The following PLXNC1 variants were observed in gnomAD, a reference collection of about 807,000 sequenced individuals.
The protein encoded by PLXNC1 is plexin C1, also known as plexin-C1.
A neutral mutation model predicts 178.2 loss-of-function variants in PLXNC1; 75 were observed. The observed-to-expected ratio is 0.42, with a 90% CI of 0.35 to 0.51. The LOEUF (loss-of-function observed/expected upper bound fraction) is 0.51. Among genes scored for constraint, PLXNC1 ranks in the 20% least tolerant of loss-of-function variants. The probability of loss-of-function intolerance (pLI) is 0.02; values close to 1 mark genes in which losing one functional copy is unlikely to be tolerated. For synonymous variants in PLXNC1, 790 were observed against 779.9 expected (o/e 1.01, Z -0.22); for missense variants, 1,503 against 1,984.4 (o/e 0.76, Z 4.61).
At chr12:94,153,138 G>A (rs1961020814) in intron 1 of PLXNC1, among the ~76,000 whole-genome samples, 1 of 152,232 alleles carries the variant, frequency 6.6e-6, no homozygotes, top group Admixed American at 6.5e-5. Context: ...TCATTTTCCA[G>A]ATGAGGAGGC....
chr12:94,290,052 G>GT (rs1477182434), intron 23 of PLXNC1, among the ~76,000 whole-genome samples: 2 of 152,206 alleles, frequency 1.3e-5, no homozygotes, highest in Admixed American at 1.3e-4. Flanking sequence ...CCCATCCGAG[G>GT]TATTTGTGAT....
At chr12:94,157,268 G>A (rs1171692431) in intron 1 of PLXNC1, among the ~76,000 whole-genome samples, 1 of 152,184 alleles carries the variant, frequency 6.6e-6, no homozygotes, top group African/African-American at 2.4e-5. Context: ...GATGGCGGAA[G>A]AGCCACACCA....
At chr12:94,165,522 G>C (rs1230514050) in intron 1 of PLXNC1, among the ~76,000 whole-genome samples, 1 of 152,172 alleles carries the variant, frequency 6.6e-6, no homozygotes, top group Admixed American at 6.5e-5. Context: ...CCTCCAGGCT[G>C]GTGAGAGGAA....
At chr12:94,301,585 G>C (rs1968471868) in intron 28 of PLXNC1, among the ~76,000 whole-genome samples, 1 of 152,150 alleles carries the variant, frequency 6.6e-6, no homozygotes, top group African/African-American at 2.4e-5. Flanking sequence ...AAAAATCAGA[G>C]CAAACTTCGA....
intron 2 of PLXNC1, among the ~76,000 whole-genome samples, chr12:94,176,582 T>G (rs955276186): frequency 6.6e-6 from 1 of 152,232 alleles, no homozygotes; most frequent in Non-Finnish European, 1.5e-5. Flanking sequence ...CAAGGATTTT[T>G]AAATTTAAAT....
chr12:94,169,928 G>A (rs1427462422), intron 2 of PLXNC1, among the ~76,000 whole-genome samples: 2 of 152,188 alleles, frequency 1.3e-5, no homozygotes, highest in African/African-American at 4.8e-5. Context: ...AGGGGAAGAG[G>A]GGAGGAGGAG....
rs137989424 is a variant in PLXNC1 at position 94,185,056 on chromosome 12, A to T, written c.1339-1317A>T. On this transcript the variant is annotated intron_variant, in intron 3 of 30. Coordinates refer to ENST00000258526, the MANE Select transcript of PLXNC1 (RefSeq NM_005761.3). ...TTCATAATAACCCCATGAAGTCGTG[A>T]TCCATTTTACAGATGAGGAAACAAG... Among the ~76,000 whole-genome samples, 25 of 152,348 alleles carry T rather than the reference A, an allele frequency of 1.6e-4. No homozygotes were observed. In the East Asian group the frequency reaches 4.0e-3, roughly 25 times the overall value.
chr12:94,241,881 A>T (rs1280484968), intron 11 of PLXNC1, among the ~76,000 whole-genome samples: 1 of 152,086 alleles, frequency 6.6e-6, no homozygotes, highest in Non-Finnish European at 1.5e-5. Context: ...AAATCTCTTT[A>T]GGACTAAAAT....
At chr12:94,161,371 G>GTGGGTGGATGAGTGGA (rs1226596114) in intron 1 of PLXNC1, among the ~76,000 whole-genome samples, 1 of 152,146 alleles carries the variant, frequency 6.6e-6, no homozygotes, top group Non-Finnish European at 1.5e-5. Context: ...GAGTGGATGG[G>GTGGGTGGATGAGTGGA]TGGGTAGAGA....
At chr12:94,245,250 C>A (rs1411518224) in intron 12 of PLXNC1, among the ~76,000 whole-genome samples, 1 of 152,240 alleles carries the variant, frequency 6.6e-6, no homozygotes, top group African/African-American at 2.4e-5. Context: ...TGCTCTCCCT[C>A]CTACTTGCTG....
chr12:94,282,456 T>C, intron 23 of PLXNC1, 55 bp downstream of exon 23: 5 of 1,163,888 alleles, frequency 4.3e-6, no homozygotes, highest in Non-Finnish European at 6.4e-6. Flanking sequence ...CCTAGTCCCA[T>C]GGACATTCTT....
intron 4 of PLXNC1, among the ~76,000 whole-genome samples, chr12:94,192,302 T>C (rs1962756555): frequency 6.6e-6 from 1 of 152,094 alleles, no homozygotes; most frequent in Non-Finnish European, 1.5e-5. Context: ...ATGGCCAACA[T>C]TCATTCATTC....
intron 11 of PLXNC1, among the ~76,000 whole-genome samples, chr12:94,242,787 C>T (rs1042618230): frequency 6.6e-6 from 1 of 152,172 alleles, no homozygotes; most frequent in African/African-American, 2.4e-5. Context: ...GGTTAATCCT[C>T]ACAACAAATT....
At chr12:94,156,854 C>T (rs1484117694) in intron 1 of PLXNC1, among the ~76,000 whole-genome samples, 1 of 152,054 alleles carries the variant, frequency 6.6e-6, no homozygotes, top group Admixed American at 6.5e-5. Flanking sequence ...ACTACAGGCA[C>T]ACACCACCAT....
At chr12:94,195,551 C>A (rs755904624) in intron 4 of PLXNC1, among the ~76,000 whole-genome samples, 4 of 152,212 alleles carry the variant, frequency 2.6e-5, no homozygotes, top group Non-Finnish European at 5.9e-5. Flanking sequence ...TGGGTACACA[C>A]AGGTGGAGGC....
chr12:94,170,260 T>C (rs1377826034), intron 2 of PLXNC1, among the ~76,000 whole-genome samples: 1 of 152,154 alleles, frequency 6.6e-6, no homozygotes, highest in Non-Finnish European at 1.5e-5. Flanking sequence ...AATACAGTTC[T>C]ACTAGACAAC....
chr12:94,256,728 G>A (rs1964852658), intron 17 of PLXNC1, among the ~76,000 whole-genome samples: 1 of 151,712 alleles, frequency 6.6e-6, no homozygotes, highest in Non-Finnish European at 1.5e-5. Flanking sequence ...GATTGCCCTT[G>A]AGTGCTGAAT....
At chr12:94,222,047 G>C (rs1211425844) in intron 6 of PLXNC1, among the ~76,000 whole-genome samples, 1 of 152,168 alleles carries the variant, frequency 6.6e-6, no homozygotes, top group Non-Finnish European at 1.5e-5. Flanking sequence ...CAGCCACTGG[G>C]TGGTGGCTGT....
At chr12:94,182,550 C>A (rs183265231) in intron 3 of PLXNC1, among the ~76,000 whole-genome samples, 1 of 150,934 alleles carries the variant, frequency 6.6e-6, no homozygotes, top group Non-Finnish European at 1.5e-5. Flanking sequence ...ATGATGAAAC[C>A]CCATCTCCAC....
Sources: gnomAD v4.1 joint callset for allele counts (sites outside exome capture counted in the v4.1 genomes callset) on GRCh38, gnomAD v4.1.1 for gene constraint, MANE v1.5 for transcripts, NCBI Gene and HGNC (gene_info 2026-07-23, HGNC 2026-07-21) for gene names.